Variants in PACSIN1 observed in about 807,000 individuals in gnomAD.
PACSIN1 encodes protein kinase C and casein kinase substrate in neurons protein 1.
PACSIN1 carries 15 observed loss-of-function variants against 59.5 expected under a neutral mutation model. The observed-to-expected ratio is 0.25, with a 90% confidence interval of 0.17 to 0.39. The LOEUF is 0.39. Among genes scored for constraint, PACSIN1 ranks in the 10% least tolerant of loss-of-function variants. The pLI is 1.00. For synonymous variants in PACSIN1, 210 were observed against 220.6 expected (o/e 0.95, Z 0.42); for missense variants, 420 against 580.2 (o/e 0.72, Z 2.84).
intron 1 of PACSIN1, among the ~76,000 whole-genome samples, chr6:34,481,557 C>T (rs1766719684): frequency 1.3e-5 from 2 of 152,022 alleles, no homozygotes; most frequent in East Asian, 1.9e-4. Flanking sequence ...GTAGTCCCAG[C>T]TACCAGGGAG....
intron 1 of PACSIN1, among the ~76,000 whole-genome samples, chr6:34,495,874 C>T (rs1046254748): frequency 3.3e-5 from 5 of 152,214 alleles, no homozygotes; most frequent in Admixed American, 1.3e-4. Context: ...CTCAAAGGGT[C>T]CCTCTGTCTC....
chr6:34,526,935 T>A (rs910139302), intron 2 of PACSIN1, among the ~76,000 whole-genome samples: 14 of 152,234 alleles, frequency 9.2e-5, no homozygotes, highest in Admixed American at 9.2e-4. Flanking sequence ...CATAATATTA[T>A]GTCAAGAAGC....
At chr6:34,487,376 C>T (rs1032412198) in intron 1 of PACSIN1, among the ~76,000 whole-genome samples, 3 of 152,170 alleles carry the variant, frequency 2.0e-5, no homozygotes, top group Admixed American at 6.5e-5. Context: ...GACATGGAAT[C>T]ACGTGGAATG....
chr6:34,525,365 C>G lies in PACSIN1; in HGVS notation c.-63-878C>G, dbSNP rs571388197. Among the ~76,000 whole-genome samples, 147 of 152,360 alleles carry G rather than the reference C, an allele frequency of 9.6e-4. No individual in the cohort carries two copies. The highest frequency in any genetic ancestry group is 3.4e-3 in the African/African-American group (141 of 41,578). ...CAACCATTCTTACGTGTTATTGCCC[C>G]TGCCCTGAGCCTGAGAGCCAACTGC... On this transcript the variant is annotated intron_variant, in intron 1 of 9. Coordinates refer to ENST00000244458, the MANE Select transcript of PACSIN1 (RefSeq NM_020804.5). This position sits in a 1 kb window ranked among gnomAD's most constrained non-coding sequence, Gnocchi z 4.9.
At chr6:34,492,775 G>C (rs141610368) in intron 1 of PACSIN1, among the ~76,000 whole-genome samples, 2 of 152,332 alleles carry the variant, frequency 1.3e-5, no homozygotes, top group Admixed American at 6.5e-5. Context: ...AGCACCCAAG[G>C]ATATAAACAT....
chr6:34,492,493 C>T (rs1766892714), intron 1 of PACSIN1, among the ~76,000 whole-genome samples: 1 of 152,172 alleles, frequency 6.6e-6, no homozygotes, highest in Admixed American at 6.5e-5. Context: ...AAGCGATTCT[C>T]CTGCCTCAGC....
At chr6:34,509,671 A>G (rs1193234895) in intron 1 of PACSIN1, among the ~76,000 whole-genome samples, 1 of 152,198 alleles carries the variant, frequency 6.6e-6, no homozygotes, top group Non-Finnish European at 1.5e-5. Flanking sequence ...TATTTTAAGA[A>G]TATTAAGTCT....
chr6:34,487,793 G>C (rs900651152), intron 1 of PACSIN1, among the ~76,000 whole-genome samples: 1 of 152,194 alleles, frequency 6.6e-6, no homozygotes, highest in African/African-American at 2.4e-5. Flanking sequence ...TGCCCAGAGA[G>C]GGACTCAGCC....
intron 1 of PACSIN1, among the ~76,000 whole-genome samples, chr6:34,520,676 T>C (rs3843524): frequency 1 from 151,783 of 152,326 alleles, 75,622 homozygotes; most frequent in East Asian, 1. Flanking sequence ...ATGGTTGTGT[T>C]GTTGATGCCG....
At chr6:34,519,482 TG>T (rs1205360396) in intron 1 of PACSIN1, among the ~76,000 whole-genome samples, 1 of 151,968 alleles carries the variant, frequency 6.6e-6, no homozygotes, top group Non-Finnish European at 1.5e-5. Flanking sequence ...CTTCCTTTCA[TG>T]GGGGACCTGG....
intron 1 of PACSIN1, among the ~76,000 whole-genome samples, chr6:34,497,284 G>A (rs1766962069): frequency 6.6e-6 from 1 of 152,084 alleles, no homozygotes; most frequent in South Asian, 2.1e-4. Flanking sequence ...GAGATTAAAG[G>A]AGATAATGAT....
Position 34,518,888 on chromosome 6 carries a change from C to T in PACSIN1, c.-63-7355C>T, listed in dbSNP as rs116757252. On this transcript the variant is annotated intron_variant, in intron 1 of 9. Transcript: ENST00000244458. The surrounding 1 kb of genome is among the most constrained non-coding windows in gnomAD (Gnocchi z 4.4). ...AGGGCTGGTCTTACTCCCTGATGAGCCTGCCCCACCTGAAACAGGCTTAGA... is the reference window on the plus strand; with the variant it reads ...AGGGCTGGTCTTACTCCCTGATGAGTCTGCCCCACCTGAAACAGGCTTAGA... 0.014 allele frequency among the ~76,000 whole-genome samples: 2,064 copies of T among 152,314 alleles called. 34 individuals are homozygous for T. The highest frequency in any genetic ancestry group is 0.042 in the African/African-American group (1,753 of 41,554).
intron 1 of PACSIN1, chr6:34,485,014 G>T (rs1471033920): frequency 6.6e-6 from 1 of 152,046 alleles, no homozygotes; most frequent in African/African-American, 2.4e-5. Flanking sequence ...GGAAGCCGCA[G>T]GTGCTAGCCC....
intron 1 of PACSIN1, among the ~76,000 whole-genome samples, chr6:34,512,603 G>A (rs1314313388): frequency 1.3e-5 from 2 of 152,230 alleles, no homozygotes; most frequent in Admixed American, 1.3e-4. Context: ...AGGACCTCCA[G>A]GCCTGGGAAT....
intron 1 of PACSIN1, among the ~76,000 whole-genome samples, chr6:34,482,850 A>G (rs944621476): frequency 1.3e-5 from 2 of 151,172 alleles, no homozygotes; most frequent in Non-Finnish European, 3.0e-5. Flanking sequence ...CACCCAGCTA[A>G]TTTTTGTATT....
chr6:34,522,080 T>C (rs954923001), intron 1 of PACSIN1, among the ~76,000 whole-genome samples: 3 of 152,300 alleles, frequency 2.0e-5, no homozygotes, highest in African/African-American at 4.8e-5. Context: ...TCTGTGAGGA[T>C]TGCTGTGAGA....
chr6:34,532,852 AC>A lies in PACSIN1; in HGVS notation c.*326del, dbSNP rs2127277402. Reference sequence around the variant, plus strand: ...GGGATGGATGTCTCCTGACCCTTCCACCCCGCCTCACTCCCTCCGTCCCACT... The same window carrying A: ...GGGATGGATGTCTCCTGACCCTTCCACCCGCCTCACTCCCTCCGTCCCACT... On this transcript the variant is annotated 3_prime_UTR_variant, in exon 10 of 10. Transcript: ENST00000244458. This position sits in a 1 kb window ranked among gnomAD's most constrained non-coding sequence, Gnocchi z 5.2. 1 of 223,442 alleles carries A rather than the reference AC, an allele frequency of 4.5e-6. No homozygotes were observed. Among genetic ancestry groups the A allele is most frequent in the South Asian group, 9.9e-5 (1 of 10,084 alleles). The allele number at this position is 223,442 out of a possible 1,614,324, so 13.8% of individuals were successfully genotyped here. A position where few individuals can be genotyped will look rare whatever the true frequency, so the allele number is the denominator to read the frequency against.
chr6:34,502,132 TC>T (rs1264761439), intron 1 of PACSIN1, among the ~76,000 whole-genome samples: 2 of 151,402 alleles, frequency 1.3e-5, no homozygotes, highest in Non-Finnish European at 2.9e-5. Context: ...GTGAACACTA[TC>T]TCCTGGTATT....
intron 1 of PACSIN1, among the ~76,000 whole-genome samples, chr6:34,481,666 T>C (rs1351702105): frequency 6.8e-6 from 1 of 147,394 alleles, no homozygotes; most frequent in African/African-American, 2.5e-5. Flanking sequence ...CAAGACTCCA[T>C]CTAAAAAAAA....
Sources: gnomAD v4.1 joint callset for allele counts (sites outside exome capture counted in the v4.1 genomes callset) on GRCh38, gnomAD v4.1.1 for gene constraint, Gnocchi (gnomAD v3.1) non-coding constraint, MANE v1.5 for transcripts, NCBI Gene and HGNC (gene_info 2026-07-23, HGNC 2026-07-21) for gene names.